The following CLIC4 variants were observed in gnomAD, a reference collection of about 807,000 sequenced individuals.
CLIC4 encodes CLIC family member 4, also known as chloride intracellular channel protein 4.
CLIC4 carries 13 observed loss-of-function variants against 24.6 expected under a neutral mutation model. The observed-to-expected ratio is 0.53, with a 90% CI of 0.34 to 0.84. The LOEUF (loss-of-function observed/expected upper bound fraction) is 0.84. Among genes scored for constraint, CLIC4 ranks in the 40% least tolerant of loss-of-function variants. CLIC4 has a pLI of 0.01. For missense variants in CLIC4, 227 were observed against 301.7 expected, an observed-to-expected ratio of 0.75 and a Z score of 1.83; for synonymous variants, 104 against 111.3, an observed-to-expected ratio of 0.93 and a Z score of 0.41.
chr1:24,789,994 A>C (rs1040584462), intron 1 of CLIC4, among the ~76,000 whole-genome samples: 1 of 152,222 alleles, frequency 6.6e-6, no homozygotes, highest in Non-Finnish European at 1.5e-5. Flanking sequence ...AGGAGAAGGG[A>C]GATGGCACTG....
chr1:24,808,477 G>A (rs1229258713), intron 2 of CLIC4, among the ~76,000 whole-genome samples: 3 of 152,016 alleles, frequency 2.0e-5, no homozygotes, highest in African/African-American at 7.3e-5. Context: ...GAAAAAGTCT[G>A]TACATGTTCA....
chr1:24,817,616 C>A (rs189217324), intron 3 of CLIC4, among the ~76,000 whole-genome samples: 58 of 152,326 alleles, frequency 3.8e-4, no homozygotes, highest in Non-Finnish European at 6.9e-4. Context: ...TGTGTGTTCA[C>A]TGGAATAGCA....
At chr1:24,837,155 TA>T (rs370986559) in intron 4 of CLIC4, among the ~76,000 whole-genome samples, 11 of 150,466 alleles carry the variant, frequency 7.3e-5, no homozygotes, top group African/African-American at 2.7e-4. Context: ...GTCTAACAAA[TA>T]AAAAAAATGG....
chr1:24,829,203 AT>A (rs1175263185), intron 4 of CLIC4, among the ~76,000 whole-genome samples: 1 of 152,176 alleles, frequency 6.6e-6, no homozygotes, highest in African/African-American at 2.4e-5. Flanking sequence ...CCTATTAAAT[AT>A]TTTCAAAATC....
At chr1:24,791,885 A>G (rs1639343699) in intron 1 of CLIC4, among the ~76,000 whole-genome samples, 1 of 151,010 alleles carries the variant, frequency 6.6e-6, no homozygotes, top group African/African-American at 2.4e-5. Flanking sequence ...TCAAAAAAAT[A>G]AATAAATAAA....
At chr1:24,766,718 C>G (rs1639003151) in intron 1 of CLIC4, among the ~76,000 whole-genome samples, 1 of 150,818 alleles carries the variant, frequency 6.6e-6, no homozygotes, top group African/African-American at 2.4e-5. Flanking sequence ...GTTGGCCAGG[C>G]TAGTCTTGAA....
At chr1:24,746,929 C>T (rs1638706841) in intron 1 of CLIC4, among the ~76,000 whole-genome samples, 1 of 151,888 alleles carries the variant, frequency 6.6e-6, no homozygotes, top group Admixed American at 6.6e-5. Context: ...GTCGAGGCTG[C>T]AGTGAGCCAC....
At chr1:24,784,959 G>A (rs1316680132) in intron 1 of CLIC4, among the ~76,000 whole-genome samples, 2 of 147,436 alleles carry the variant, frequency 1.4e-5, no homozygotes, top group Admixed American at 6.8e-5. Flanking sequence ...AGCCAAGATC[G>A]CGCCACTGCA....
chr1:24,821,013 G>A (rs916157187), intron 3 of CLIC4, among the ~76,000 whole-genome samples: 1 of 151,922 alleles, frequency 6.6e-6, no homozygotes, highest in African/African-American at 2.4e-5. Context: ...GTGAAACCCT[G>A]TCTCTACAAA....
At chr1:24,839,290 G>A (rs1228931586) in intron 4 of CLIC4, among the ~76,000 whole-genome samples, 1 of 152,090 alleles carries the variant, frequency 6.6e-6, no homozygotes. Context: ...TCATGTGTGG[G>A]ACATTTAGTT....
chr1:24,821,774 G>A (rs1446047346), intron 3 of CLIC4, among the ~76,000 whole-genome samples: 1 of 152,058 alleles, frequency 6.6e-6, no homozygotes, highest in African/African-American at 2.4e-5. Context: ...TCTGAGAACA[G>A]GGTCTCGCCG....
rs970644668 is a variant in CLIC4 at position 24,763,048 on chromosome 1, G to T, written c.72+17423G>T. ...AGTGGTATGTATTGCTTCTTCGTAT[G>T]AATTTTCATACAACCTTCCCTCCTA... On this transcript the variant is annotated intron_variant, in intron 1 of 5. Transcript: ENST00000374379. Among the ~76,000 whole-genome samples, 70 of 152,122 alleles carry T rather than the reference G, an allele frequency of 4.6e-4. 1 individual carries two copies. Among genetic ancestry groups the T allele is most frequent in the African/African-American group, 1.7e-3 (70 of 41,420 alleles).
At chr1:24,782,809 C>T in intron 1 of CLIC4, among the ~76,000 whole-genome samples, 1 of 152,088 alleles carries the variant, frequency 6.6e-6, no homozygotes, top group South Asian at 2.1e-4. Context: ...GCAAAACTGT[C>T]TCTACAAAAA....
At chr1:24,760,237 G>A (rs1234520103) in intron 1 of CLIC4, among the ~76,000 whole-genome samples, 1 of 151,804 alleles carries the variant, frequency 6.6e-6, no homozygotes, top group Non-Finnish European at 1.5e-5. Context: ...GTGGTGGCGG[G>A]TGCCTGTAAT....
At chr1:24,828,367 CT>C (rs374847167) in intron 4 of CLIC4, among the ~76,000 whole-genome samples, 15 of 148,338 alleles carry the variant, frequency 1.0e-4, no homozygotes, top group East Asian at 5.9e-4. Flanking sequence ...TAGTAATTGG[CT>C]TTTTTTTTTC....
chr1:24,840,066 C>T, intron 5 of CLIC4, 25 bp downstream of exon 5: 1 of 1,602,466 alleles, frequency 6.2e-7, no homozygotes, highest in Admixed American at 1.7e-5. Context: ...GTTGATGTCG[C>T]ATTGCCATTA....
At chr1:24,806,511 T>A (rs574658922) in intron 2 of CLIC4, among the ~76,000 whole-genome samples, 6 of 152,280 alleles carry the variant, frequency 3.9e-5, no homozygotes, top group African/African-American at 1.2e-4. Context: ...TTTATTTATT[T>A]AAAAAAATAT....
chr1:24,835,957 G>A (rs1017269087), intron 4 of CLIC4, among the ~76,000 whole-genome samples: 2 of 152,186 alleles, frequency 1.3e-5, no homozygotes, highest in Non-Finnish European at 2.9e-5. Flanking sequence ...TGTTGCTTAT[G>A]TACAAGACTG....
In CLIC4 at chr1:24,755,003, CG is replaced by C; in HGVS notation, c.72+9380del. On this transcript the variant is annotated intron_variant, in intron 1 of 5. Transcript: ENST00000374379. ...AGGAGAATTGCTTTAACCTGGGAGG[CG>C]GAGGTTGCAGTGAGCTGAGATTGTG... is the stretch of plus-strand genomic sequence containing the variant. Among the ~76,000 whole-genome samples, 3 of 145,992 alleles carry C rather than the reference CG, an allele frequency of 2.1e-5. No homozygotes were observed. The South Asian group carries it at 6.6e-4, about 32-fold the overall frequency.
Sources: gnomAD v4.1 joint callset for allele counts (sites outside exome capture counted in the v4.1 genomes callset) on GRCh38, gnomAD v4.1.1 for gene constraint, MANE v1.5 for transcripts, NCBI Gene and HGNC (gene_info 2026-07-23, HGNC 2026-07-21) for gene names.